Variants in SPEF2 observed in about 807,000 individuals in gnomAD.
The protein encoded by SPEF2 is sperm flagellar and cilia associated 2.
Under a neutral mutation model 224.6 loss-of-function variants are expected in SPEF2, and 187 were observed. That is an observed-to-expected ratio of 0.83 (90% confidence interval 0.74 to 0.94). The LOEUF (loss-of-function observed/expected upper bound fraction) is 0.94. SPEF2 is among the 40% of genes least tolerant of loss of function. SPEF2 has a pLI of 0.00. For synonymous variants in SPEF2, 715 were observed against 707.3 expected (o/e 1.01, Z -0.17); for missense variants, 2,170 against 2,135.6 (o/e 1.02, Z -0.32).
At chr5:35,681,978 A>G (rs1250105351) in intron 10 of SPEF2, among the ~76,000 whole-genome samples, 1 of 152,186 alleles carries the variant, frequency 6.6e-6, no homozygotes, top group Non-Finnish European at 1.5e-5. Flanking sequence ...CATAAATTCA[A>G]ATTTCCCTGA....
intron 24 of SPEF2, among the ~76,000 whole-genome samples, chr5:35,757,392 T>C (rs187060872): frequency 6.6e-6 from 1 of 152,246 alleles, no homozygotes. Flanking sequence ...TATTAAGTAG[T>C]TTAGTTCTCT....
rs79359099 is a variant in SPEF2, at chr5:35,763,716, G to A, written c.3801+14G>A. 3.0e-4 allele frequency: 482 copies of A among 1,588,800 alleles called. 3 individuals carry two copies. In the African/African-American group the frequency reaches 5.4e-3, roughly 18 times the overall value. The stretch of plus-strand genomic sequence containing the variant: ...GTATCTCACATGGTAAGCAGTGCTC[G>A]TTATATTTTCTGTTAGTAATACACA... On this transcript the variant is annotated intron_variant, in intron 26 of 36. Transcript: ENST00000356031.
rs1386462414 is a variant in SPEF2 at position 35,762,854 on chromosome 5, G to A, written c.3621-668G>A. On this transcript the variant is annotated intron_variant, in intron 25 of 36. Transcript: ENST00000356031. ...AATTTCTACACAGGAGCAGCAATAA[G>A]GGAAGAGGGAGGGAGAGCTTAACTT... Among the ~76,000 whole-genome samples the A allele has an allele frequency of 4.6e-5, 7 of 152,252 alleles. No individual in the cohort carries two copies. The East Asian group carries it at 9.6e-4, about 21-fold the overall frequency.
At chr5:35,692,134 G>C (rs559151427) in intron 11 of SPEF2, among the ~76,000 whole-genome samples, 1 of 152,160 alleles carries the variant, frequency 6.6e-6, no homozygotes, top group African/African-American at 2.4e-5. Flanking sequence ...GATCCGGCTG[G>C]GTGTGGTAGC....
Position 35,727,659 on chromosome 5 carries a change from G to T in SPEF2, c.2915-16G>T. Reference sequence around the variant, plus strand: ...TCATTTACTTGTATTGGAATAATTTGATATGCATGTTTAAGGTTCTCCTAA... The same window carrying T: ...TCATTTACTTGTATTGGAATAATTTTATATGCATGTTTAAGGTTCTCCTAA... On this transcript the variant is annotated splice_polypyrimidine_tract_variant and intron_variant, in intron 20 of 36. Coordinates refer to ENST00000356031, the MANE Select transcript of SPEF2 (RefSeq NM_024867.4). 1 of 1,607,418 alleles carries T rather than the reference G, an allele frequency of 6.2e-7. No homozygotes were observed. The highest frequency in any genetic ancestry group is 8.5e-7 in the Non-Finnish European group (1 of 1,175,558).
chr5:35,722,362 A>G (rs533414032), intron 20 of SPEF2, among the ~76,000 whole-genome samples: 1 of 151,976 alleles, frequency 6.6e-6, no homozygotes, highest in South Asian at 2.1e-4. Context: ...CGAAAAGGCC[A>G]TGAAAAGACA....
In SPEF2 at chr5:35,674,334, C is replaced by CT. The variant is rs1208992808; in HGVS notation, c.1524+4109dup. Among the ~76,000 whole-genome samples, 282 of 64,950 alleles carry CT rather than the reference C, an allele frequency of 4.3e-3. 1 individual carries two copies. The highest frequency in any genetic ancestry group is 0.01 in the Middle Eastern group (1 of 100). The allele number at this position is 64,950 out of a possible 152,430, so 42.6% of individuals were successfully genotyped here. On this transcript the variant is annotated intron_variant, in intron 10 of 36. Coordinates refer to ENST00000356031, the MANE Select transcript of SPEF2 (RefSeq NM_024867.4). Reference sequence around the variant, plus strand: ...ACAGAGTGAGCTCTTCTCTTTTCGTCTTCTTTTTTTTTTTTTTTTTTTTGG... The same window carrying CT: ...ACAGAGTGAGCTCTTCTCTTTTCGTCTTTCTTTTTTTTTTTTTTTTTTTTGG...
Position 35,763,660 on chromosome 5 carries a change from C to G in SPEF2, c.3759C>G (p.Val1253=). Residue 1253 remains valine (V), a synonymous_variant, in exon 26 of 37, where the codon GTC becomes GTG. Coordinates refer to ENST00000356031, the MANE Select transcript of SPEF2 (RefSeq NM_024867.4). The part of the protein sequence containing the change: ...ESNFEADEKL[V]MDTWQQASLA... ...ACTTTGAGGCCGATGAAAAGTTGGT[C>G]ATGGACACCTGGCAGCAGGCTTCTT... 1 of 1,613,444 alleles carries G rather than the reference C, an allele frequency of 6.2e-7. No homozygotes were observed. The highest frequency in any genetic ancestry group is 1.3e-5 in the African/African-American group (1 of 74,990).
At chr5:35,788,432 G>C in intron 30 of SPEF2, 1 of 701,874 alleles carries the variant, frequency 1.4e-6, no homozygotes, top group Non-Finnish European at 2.6e-6. Context: ...AGAGAAATTA[G>C]AAAAAAGTAA....
At chr5:35,703,467 G>A (rs939670552) in intron 16 of SPEF2, among the ~76,000 whole-genome samples, 6 of 152,142 alleles carry the variant, frequency 3.9e-5, no homozygotes, top group Admixed American at 6.6e-5. Context: ...AGGAGTGCTG[G>A]AAAGTTTGTG....
chr5:35,777,281 GC>G (rs1753727050), intron 29 of SPEF2, among the ~76,000 whole-genome samples: 1 of 152,074 alleles, frequency 6.6e-6, no homozygotes, highest in South Asian at 2.1e-4. Context: ...AAAGTCTTCA[GC>G]CTAGTTGTTT....
chr5:35,775,425 C>T (rs1271744685), intron 28 of SPEF2, among the ~76,000 whole-genome samples: 2 of 151,988 alleles, frequency 1.3e-5, no homozygotes, highest in Non-Finnish European at 2.9e-5. Flanking sequence ...CGTGCCATGG[C>T]AGAGAGAGGG....
At chr5:35,696,651 T>C (rs969598773) in intron 14 of SPEF2, among the ~76,000 whole-genome samples, 4 of 152,204 alleles carry the variant, frequency 2.6e-5, no homozygotes, top group Non-Finnish European at 2.9e-5. Flanking sequence ...CCTGCCCTTA[T>C]GGTGTTTACA....
chr5:35,798,334 A>G (rs1269908050), intron 33 of SPEF2, among the ~76,000 whole-genome samples: 1 of 152,020 alleles, frequency 6.6e-6, no homozygotes, highest in East Asian at 1.9e-4. Context: ...CCCTTTGCCA[A>G]TTCTGCTCAG....
chr5:35,779,402 A>G lies in SPEF2; in HGVS notation c.4447+56A>G. The stretch of plus-strand genomic sequence containing the variant: ...CAAAAAAAGGTTAAGATTAACCAGG[A>G]CAGAAATCACTTGCCAACAAGTAAA... On this transcript the variant is annotated intron_variant, in intron 30 of 36. Coordinates refer to ENST00000356031, the MANE Select transcript of SPEF2 (RefSeq NM_024867.4). 3 of 1,353,232 alleles carry G rather than the reference A, an allele frequency of 2.2e-6. No individual in the cohort carries two copies. The South Asian group carries it at 4.0e-5, about 18-fold the overall frequency. The allele number at this position is 1,353,232 out of a possible 1,614,324, so 83.8% of individuals were successfully genotyped here.
chr5:35,617,896 T>C lies in SPEF2; in HGVS notation c.-102T>C. ...TAGTTCCAGCCTGGATACGCTTCCA[T>C]AGCAAAGGGTTGCCCTTGGCTACAG... On this transcript the variant is annotated 5_prime_UTR_variant, in exon 1 of 37. Transcript: ENST00000356031. 4 of 1,146,936 alleles carry C rather than the reference T, an allele frequency of 3.5e-6. No homozygotes were observed. The highest frequency in any genetic ancestry group is 1.9e-4 in the Middle Eastern group (1 of 5,182). The allele number at this position is 1,146,936 out of a possible 1,614,324, so 71.0% of individuals were successfully genotyped here. A position where few individuals can be genotyped will look rare whatever the true frequency, so the allele number is the denominator to read the frequency against.
intron 26 of SPEF2, among the ~76,000 whole-genome samples, chr5:35,768,003 C>T (rs903547434): frequency 9.9e-5 from 15 of 151,474 alleles, no homozygotes; most frequent in African/African-American, 3.6e-4. Flanking sequence ...ATTGTCTTTC[C>T]TACTCATTTG....
At chr5:35,756,663 A>G (rs56163473) in intron 24 of SPEF2, among the ~76,000 whole-genome samples, 41,818 of 152,070 alleles carry the variant, frequency 0.27, 5,946 homozygotes, top group African/African-American at 0.33. Context: ...GTAACAACAG[A>G]CAGCTAGATA....
intron 21 of SPEF2, among the ~76,000 whole-genome samples, chr5:35,731,061 G>A (rs1745567975): frequency 6.6e-6 from 1 of 152,174 alleles, no homozygotes; most frequent in Non-Finnish European, 1.5e-5. Context: ...AAGGGTATGT[G>A]TATATGTCTC....
Sources: allele counts gnomAD v4.1 joint callset (sites outside exome capture counted in the v4.1 genomes callset), GRCh38; gene constraint gnomAD v4.1.1; transcripts MANE v1.5; gene names NCBI Gene and HGNC (gene_info 2026-07-23, HGNC 2026-07-21).